The following ZNF219 variants were observed in gnomAD, a reference collection of about 807,000 sequenced individuals.
The protein encoded by ZNF219 is zinc finger protein 219.
Under a neutral mutation model 54.4 loss-of-function variants are expected in ZNF219, and 17 were observed. The observed-to-expected ratio is 0.31, with a 90% CI of 0.21 to 0.47. The LOEUF (loss-of-function observed/expected upper bound fraction) is 0.47, where lower values mean the gene tolerates loss of function less well. Among genes scored for constraint, ZNF219 ranks in the 20% least tolerant of loss-of-function variants. The pLI is 1.00. For missense variants in ZNF219, 1,014 were observed against 1,062.3 expected (o/e 0.95, Z 0.63); for synonymous variants, 518 against 476.4 (o/e 1.09, Z -1.14).
Position 21,092,032 on chromosome 14 carries a change from C to G in ZNF219, c.1265G>C (p.Arg422Pro). Reference protein sequence around the residue: ...SALPARARRHRAEEPEEEEEV... With the variant: ...SALPARARRHPAEEPEEEEEV... ...CTCTTCTTCCTCAGGCTCCTCCGCA[C>G]GGTGCCGGCGAGCCCGGGCCGGGAG... The change falls in exon 3 of 5, where the codon CGT (arginine) becomes CCT (proline). Residue 422 changes from arginine (R) to proline (P), a missense_variant. Physicochemically the swap from Arg to Pro is moderately radical, Grantham distance 103. This residue lies in a region of ZNF219 where 272 missense variants were observed against 248.9 expected (regional missense o/e 1.09). Coordinates refer to ENST00000360947, the MANE Select transcript of ZNF219 (RefSeq NM_016423.3). 6.5e-7 allele frequency: 1 copy of G among 1,549,176 alleles called. No homozygotes were observed. The highest frequency in any genetic ancestry group is 8.7e-7 in the Non-Finnish European group (1 of 1,146,866).
chr14:21,092,999 G>A lies in ZNF219; in HGVS notation c.298C>T (p.Leu100=). 1 of 1,598,384 alleles carries A rather than the reference G, an allele frequency of 6.3e-7. No homozygotes were observed. Among genetic ancestry groups the A allele is most frequent in the Non-Finnish European group, 8.5e-7 (1 of 1,175,538 alleles). The change falls in exon 3 of 5, where the codon CTG becomes TTG. Residue 100 remains leucine (L), a synonymous_variant. Coordinates refer to ENST00000360947, the MANE Select transcript of ZNF219 (RefSeq NM_016423.3). ...CGHRAAQRAL[L]RSHLRTHQPE... is the part of the protein sequence containing the mutation. ...TGGTGTGTGCGCAGGTGCGAGCGCA[G>A]CAGAGCCCGCTGCGCCGCGCGGTGG...
chr14:21,102,101 G>A, upstream of ZNF219: 1 of 1,550,854 alleles, frequency 6.4e-7, no homozygotes, highest in Non-Finnish European at 8.7e-7. Context: ...GAGCTTCGCA[G>A]AGCACCCCGC....
rs756595873 is a variant in ZNF219, at chr14:21,090,688, C to A, written c.2017G>T (p.Ala673Ser). 1 of 1,611,458 alleles carries A rather than the reference C, an allele frequency of 6.2e-7. No individual in the cohort carries two copies. The highest frequency in any genetic ancestry group is 2.2e-5 in the East Asian group (1 of 44,834). Residue 673 changes from alanine to serine, a missense_variant, in exon 5 of 5, where the codon GCT becomes TCT. This residue lies in a region of ZNF219 where 281 missense variants were observed against 271.2 expected (regional missense o/e 1.04). Coordinates refer to ENST00000360947, the MANE Select transcript of ZNF219 (RefSeq NM_016423.3). The surrounding 1 kb of genome is among the most constrained non-coding windows in gnomAD (Gnocchi z 4.4). The stretch of plus-strand genomic sequence containing the variant: ...GCCTGGGGTGGCCGGCGGCCCCTAG[C>A]CCGGCGGCTGTGGTGCACTTGAAGG... ...LHLQVHHSRRARGRRPPQADA... is the reference protein window; with the variant it reads ...LHLQVHHSRRSRGRRPPQADA...
chr14:21,101,059 A>C, upstream of ZNF219: 1 of 314,096 alleles, frequency 3.2e-6, no homozygotes, highest in Non-Finnish European at 6.2e-6. Context: ...TTGCCCCACC[A>C]CACCCCATCC....
At position 21,090,818 on chromosome 14, in the gene ZNF219, C is replaced by A; in HGVS notation, c.1887G>T (p.Leu629=). The A allele has an allele frequency of 6.4e-7, 1 of 1,566,540 alleles. No homozygotes were observed. The highest frequency in any genetic ancestry group is 8.6e-7 in the Non-Finnish European group (1 of 1,156,134). The change falls in exon 5 of 5, where the codon CTG becomes CTT. Residue 629 remains leucine (L), a synonymous_variant. Transcript: ENST00000360947. The surrounding 1 kb of genome is among the most constrained non-coding windows in gnomAD (Gnocchi z 4.4). Reference sequence around the variant, plus strand: ...CGCCTCCCGGCCCTGCCCGCAAGGACAGGTCCAGGGGTTCGGCCTCACCGC... The same window carrying A: ...CGCCTCCCGGCCCTGCCCGCAAGGAAAGGTCCAGGGGTTCGGCCTCACCGC... ...GRGGEAEPLD[L]SLRAGPGGEA...
In ZNF219 at chr14:21,092,858, G is replaced by C; in HGVS notation, c.439C>G (p.Pro147Ala). Residue 147 changes from proline (P) to alanine (A), a missense_variant, in exon 3 of 5, where the codon CCT (proline) becomes GCT (alanine). Pro to Ala is a conservative substitution (Grantham distance 27). Transcript: ENST00000360947. Reference sequence around the variant, plus strand: ...GGCCGCGCCAGACCCTCAGTGGCAGGGGTGGCCTGCATGCCCCCTGAGCTT... The same window carrying C: ...GGCCGCGCCAGACCCTCAGTGGCAGCGGTGGCCTGCATGCCCCCTGAGCTT... Reference protein sequence around the residue: ...ARSSGGMQATPATEGLARPQA... With the variant: ...ARSSGGMQATAATEGLARPQA... The C allele has an allele frequency of 1.9e-6, 3 of 1,557,692 alleles. No homozygotes were observed. In the South Asian group the frequency reaches 3.7e-5, roughly 19 times the overall value.
upstream of ZNF219, chr14:21,103,217 G>A (rs761781290): frequency 2.6e-5 from 40 of 1,551,504 alleles, no homozygotes; most frequent in Non-Finnish European, 1.7e-5. Context: ...TGAGAGGGTG[G>A]GACAGCGGGA....
chr14:21,091,926 A>G lies in ZNF219; in HGVS notation c.1371T>C (p.Gly457=), dbSNP rs1888920996. 1 of 1,601,808 alleles carries G rather than the reference A, an allele frequency of 6.2e-7. No homozygotes were observed. Among genetic ancestry groups the G allele is most frequent in the Non-Finnish European group, 8.5e-7 (1 of 1,175,444 alleles). The change falls in exon 3 of 5, where the codon GGT becomes GGC. Residue 457 remains glycine (G), a synonymous_variant. Transcript: ENST00000360947. ...GSLASLHPRP[G]EGPGHSASAA... is the part of the protein sequence containing the mutation. ...CAGAGGCAGAGTGCCCCGGTCCCTC[A>G]CCCGGGCGCGGGTGCAGGGAAGCCA...
chr14:21,093,106 T>C lies in ZNF219; in HGVS notation c.191A>G (p.Lys64Arg). ...ERRFPCPVCG[K>R]RFRFNSILAL... The stretch of plus-strand genomic sequence containing the variant: ...AAGGATAGAGTTGAAGCGGAAGCGC[T>C]TCCCGCATACAGGGCAGGGGAAGCG... Residue 64 changes from lysine (K) to arginine (R), a missense_variant, in exon 3 of 5, where the codon AAG becomes AGG. Transcript: ENST00000360947. 1 of 1,608,798 alleles carries C rather than the reference T, an allele frequency of 6.2e-7. No homozygotes were observed. Among genetic ancestry groups the C allele is most frequent in the Non-Finnish European group, 8.5e-7 (1 of 1,178,714 alleles).
chr14:21,104,561 G>T (rs1232888605), exon 1 of ZNF219: 1 of 152,246 alleles, frequency 6.6e-6, no homozygotes, highest in Non-Finnish European at 1.5e-5. Context: ...ACTCATTTTT[G>T]TTCCCACTTG....
In ZNF219 at chr14:21,090,655, A is replaced by G. The variant is rs1888765264; in HGVS notation, c.2050T>C (p.Ser684Pro). ...GATGGTACTCGGGCATAGGGCGGGG[A>G]CGCGTCAGCCTGGGGTGGCCGGCGG... Reference protein sequence around the residue: ...RGRRPPQADASPPYARVPSGE... With the variant: ...RGRRPPQADAPPPYARVPSGE... Residue 684 changes from serine to proline, a missense_variant, in exon 5 of 5, where the codon TCC becomes CCC. Ser to Pro is a moderately conservative substitution (Grantham distance 74). Around this residue, in one of 5 missense-constraint regions of ZNF219, gnomAD observed 281 missense variants for 271.2 expected, o/e 1.04. Transcript: ENST00000360947. This position sits in a 1 kb window ranked among gnomAD's most constrained non-coding sequence, Gnocchi z 4.4. 1 of 1,612,410 alleles carries G rather than the reference A, an allele frequency of 6.2e-7. No individual in the cohort carries two copies. Among genetic ancestry groups the G allele is most frequent in the South Asian group, 1.1e-5 (1 of 91,056 alleles).
upstream of ZNF219, chr14:21,103,583 G>A (rs192809841): frequency 3.7e-4 from 103 of 279,374 alleles, no homozygotes; most frequent in African/African-American, 2.2e-3. Context: ...CCCTGCACAC[G>A]CCAACTCCCT....
Position 21,093,291 on chromosome 14 carries a change from C to A in ZNF219, c.7-1G>T. On this transcript the variant is annotated splice_acceptor_variant, in intron 2 of 4. Transcript: ENST00000360947. LOFTEE classifies it high-confidence loss of function. ...CGCTCGGGGCGCGGGGACGTGAGCCCTGTGGAGAAAGATCTGCGTAGAGCA... is the reference window on the plus strand; with the variant it reads ...CGCTCGGGGCGCGGGGACGTGAGCCATGTGGAGAAAGATCTGCGTAGAGCA... 6.4e-7 allele frequency: 1 copy of A among 1,573,224 alleles called. No homozygotes were observed. Among genetic ancestry groups the A allele is most frequent in the Admixed American group, 1.8e-5 (1 of 54,918 alleles).
intron 1 of ZNF219, among the ~76,000 whole-genome samples, chr14:21,095,626 G>A (rs1889242430): frequency 6.6e-6 from 1 of 152,144 alleles, no homozygotes; most frequent in South Asian, 2.1e-4. Context: ...AGAGTGCAGT[G>A]GGCTACCACA....
chr14:21,093,379 C>A lies in ZNF219; in HGVS notation c.7-89G>T, dbSNP rs1889090992. ...CGCCTCGAGGGCCAGAAGGACAACA[C>A]GAGGGAAGGTGGGCTGGGGCCTGAA... On this transcript the variant is annotated intron_variant, in intron 2 of 4. Coordinates refer to ENST00000360947, the MANE Select transcript of ZNF219 (RefSeq NM_016423.3). 5 of 1,499,564 alleles carry A rather than the reference C, an allele frequency of 3.3e-6. No individual in the cohort carries two copies. In the East Asian group the frequency reaches 1.2e-4, roughly 35 times the overall value. The allele number at this position is 1,499,564 out of a possible 1,614,324, so 92.9% of individuals were successfully genotyped here.
At position 21,098,483 on chromosome 14, in the gene ZNF219, C is replaced by T. The variant is rs534278641; in HGVS notation, c.-255G>A. On this transcript the variant is annotated 5_prime_UTR_variant, in exon 1 of 5. Coordinates refer to ENST00000360947, the MANE Select transcript of ZNF219 (RefSeq NM_016423.3). ...CCTCCCCGGTCCCCCGCCCCCGGCCCTGGCCCGCATTGTGTGCGGCGGGAG... is the reference window on the plus strand; with the variant it reads ...CCTCCCCGGTCCCCCGCCCCCGGCCTTGGCCCGCATTGTGTGCGGCGGGAG... 16,604 of 980,682 alleles carry T rather than the reference C, an allele frequency of 0.017. 155 individuals carry two copies. Among genetic ancestry groups the T allele is most frequent in the East Asian group, 0.026 (223 of 8,700 alleles). The allele number at this position is 980,682 out of a possible 1,614,324, so 60.7% of individuals were successfully genotyped here.
rs1010253228 is a variant in ZNF219, at chr14:21,091,110, T to G, written c.1595A>C (p.Asp532Ala). ...CGAGCCGGACTGGGTGCCCGCGTAG[T>G]CGCAGTGCGGACACTTGTAGGGCCG... Reference protein sequence around the residue: ...GERPYKCPHCDYAGTQSGSLK... With the variant: ...GERPYKCPHCAYAGTQSGSLK... The change falls in exon 5 of 5, where the codon GAC becomes GCC. Residue 532 changes from aspartate (D) to alanine (A), a missense_variant. Physicochemically the swap from Asp to Ala is moderately radical, Grantham distance 126 (BLOSUM62 -2). Coordinates refer to ENST00000360947, the MANE Select transcript of ZNF219 (RefSeq NM_016423.3). 2 of 1,587,840 alleles carry G rather than the reference T, an allele frequency of 1.3e-6. No homozygotes were observed. Among genetic ancestry groups the G allele is most frequent in the Non-Finnish European group, 1.7e-6 (2 of 1,171,022 alleles).
upstream of ZNF219, among the ~76,000 whole-genome samples, chr14:21,100,523 G>A (rs1433453629): frequency 7.3e-6 from 1 of 136,354 alleles, no homozygotes; most frequent in Non-Finnish European, 1.6e-5. Context: ...CTCACTATTT[G>A]AGGACCATGA....
Position 21,092,257 on chromosome 14 carries a change from G to T in ZNF219, c.1040C>A (p.Pro347His). 6.8e-7 allele frequency: 1 copy of T among 1,472,014 alleles called. No homozygotes were observed. Among genetic ancestry groups the T allele is most frequent in the Non-Finnish European group, 9.0e-7 (1 of 1,115,194 alleles). The allele number at this position is 1,472,014 out of a possible 1,614,324, so 91.2% of individuals were successfully genotyped here. The stretch of plus-strand genomic sequence containing the variant: ...CTCATAGGCCAGCAGGCCGAGGTCA[G>T]GAGGCTGGGGGGCGCGGGCAGGCCC... Reference protein sequence around the residue: ...ASGPARAPQPPDLGLLAYEPL... With the variant: ...ASGPARAPQPHDLGLLAYEPL... Residue 347 changes from proline to histidine, a missense_variant, in exon 3 of 5, where the codon CCT (proline) becomes CAT (histidine). Around this residue, in one of 5 missense-constraint regions of ZNF219, gnomAD observed 272 missense variants for 248.9 expected, o/e 1.09. Coordinates refer to ENST00000360947, the MANE Select transcript of ZNF219 (RefSeq NM_016423.3).
Sources: gnomAD v4.1 joint callset for allele counts (sites outside exome capture counted in the v4.1 genomes callset) on GRCh38, gnomAD v4.1.1 for gene constraint, gnomAD v4.1.1 regional missense constraint, Gnocchi (gnomAD v3.1) non-coding constraint, MANE v1.5 for transcripts, NCBI Gene and HGNC (gene_info 2026-07-23, HGNC 2026-07-21) for gene names.